Variants in POLB observed in about 807,000 individuals in gnomAD.
POLB encodes the protein 5'-dRP lyase.
In POLB, 37 loss-of-function variants were observed where a neutral mutation model predicts 52.7. The ratio of observed to expected loss-of-function variants is 0.70; its 90% confidence interval spans 0.54 to 0.92. The LOEUF is 0.92. Among genes scored for constraint, POLB ranks in the 40% least tolerant of loss-of-function variants. The pLI, the probability that POLB is intolerant of heterozygous loss-of-function variation, is 0.00. For missense variants in POLB, 313 were observed against 400.8 expected, an observed-to-expected ratio of 0.78 and a Z score of 1.87; for synonymous variants, 138 against 131.3, an observed-to-expected ratio of 1.05 and a Z score of -0.35.
At position 42,349,049 on chromosome 8, in the gene POLB, G is replaced by C; in HGVS notation, c.220G>C (p.Asp74His). The change falls in exon 4 of 14, where the codon GAT (aspartate) becomes CAT (histidine). Residue 74 changes from aspartate (D) to histidine (H), a missense_variant. This residue lies in a region of POLB where 13 missense variants were observed against 39.8 expected (regional missense o/e 0.33). Transcript: ENST00000265421. ...GVGTKIAEKI[D>H]EFLATGKLRK... The stretch of plus-strand genomic sequence containing the variant: ...AGGAACAAAAATTGCTGAAAAGATT[G>C]ATGAGTTTTTAGCAACTGGAAAATT... 1 of 1,606,286 alleles carries C rather than the reference G, an allele frequency of 6.2e-7. No homozygotes were observed. Among genetic ancestry groups the C allele is most frequent in the Non-Finnish European group, 8.5e-7 (1 of 1,174,226 alleles).
rs544859248 is a variant in POLB at position 42,357,614 on chromosome 8, G to A, written c.550+222G>A. ...TGATATTTTAATGACTAGTTTTAACGACGTTTATTAAATGACTTTAAGTAT... is the reference window on the plus strand; with the variant it reads ...TGATATTTTAATGACTAGTTTTAACAACGTTTATTAAATGACTTTAAGTAT... On this transcript the variant is annotated intron_variant, in intron 9 of 13. Transcript: ENST00000265421. 8.3e-5 allele frequency: 36 copies of A among 436,082 alleles called. 1 individual carries two copies. The Admixed American group carries it at 8.9e-4, about 11-fold the overall frequency. 27.0% of individuals were successfully genotyped at this position (436,082 alleles called of 1,614,324 possible). A position where few individuals can be genotyped will look rare whatever the true frequency, so the allele number is the denominator to read the frequency against.
chr8:42,366,519 C>T (rs1824048399), intron 11 of POLB, among the ~76,000 whole-genome samples: 3 of 152,036 alleles, frequency 2.0e-5, no homozygotes, highest in African/African-American at 7.2e-5. Context: ...GGATGTTATA[C>T]CTGTGGTTCA....
chr8:42,341,579 C>G (rs1822203791), intron 2 of POLB, among the ~76,000 whole-genome samples: 1 of 152,188 alleles, frequency 6.6e-6, no homozygotes, highest in South Asian at 2.1e-4. Flanking sequence ...AAATTATAGA[C>G]AGAATACCGT....
At chr8:42,347,221 TCA>T (rs1822675676) in intron 3 of POLB, among the ~76,000 whole-genome samples, 1 of 151,778 alleles carries the variant, frequency 6.6e-6, no homozygotes, top group South Asian at 2.1e-4. Context: ...TATTGAAGAA[TCA>T]CAGAGTTGCT....
chr8:42,349,327 C>G (rs1169015176), intron 4 of POLB: 5 of 353,370 alleles, frequency 1.4e-5, no homozygotes, highest in African/African-American at 2.1e-5. Context: ...GTTTTCAGTA[C>G]TATTCAGAAA....
intron 2 of POLB, chr8:42,341,838 G>T: frequency 1.8e-6 from 1 of 565,706 alleles, no homozygotes; most frequent in South Asian, 1.6e-5. Context: ...TCTTTCTTCT[G>T]AGCAAGGGAC....
chr8:42,350,368 C>T (rs957475722), intron 5 of POLB, among the ~76,000 whole-genome samples: 1 of 152,134 alleles, frequency 6.6e-6, no homozygotes, highest in African/African-American at 2.4e-5. Context: ...ATTTCCTGCT[C>T]CAGCTTGGCC....
chr8:42,354,365 G>T (rs1823168712), intron 6 of POLB: 1 of 701,316 alleles, frequency 1.4e-6, no homozygotes, highest in Admixed American at 2.4e-5. Flanking sequence ...CTATAAGGGG[G>T]CTTGTAGGAA....
chr8:42,347,797 T>G lies in POLB; in HGVS notation c.187-1219T>G, dbSNP rs529015046. ...ATCTGGTAATTGCTGTTTTCCAAAC[T>G]TGAATATGCTTTCAGTAATTTGGGG... On this transcript the variant is annotated intron_variant, in intron 3 of 13. Transcript: ENST00000265421. Among the ~76,000 whole-genome samples, 7 of 152,340 alleles carry G rather than the reference T, an allele frequency of 4.6e-5. No individual in the cohort carries two copies. In the South Asian group the frequency reaches 1.4e-3, roughly 32 times the overall value.
intron 10 of POLB, 120 bp from the exon 11 acceptor site, chr8:42,362,492 T>C: frequency 1.5e-6 from 1 of 649,306 alleles, no homozygotes; most frequent in Non-Finnish European, 2.7e-6. Flanking sequence ...TACCTGTGAA[T>C]AGCACAGTCT....
intron 2 of POLB, among the ~76,000 whole-genome samples, chr8:42,343,974 C>T (rs947637987): frequency 1.3e-4 from 20 of 150,672 alleles, no homozygotes; most frequent in African/African-American, 4.4e-4. Context: ...ACTAAAAATA[C>T]AAAAAAATTA....
intron 2 of POLB, among the ~76,000 whole-genome samples, chr8:42,343,369 T>TACACACAC (rs1554531652): frequency 2.8e-5 from 1 of 36,320 alleles, no homozygotes; most frequent in East Asian, 1.1e-3. Flanking sequence ...TATATATATA[T>TACACACAC]ACACAAAATT....
chr8:42,346,228 G>A (rs1822602242), intron 3 of POLB, among the ~76,000 whole-genome samples: 1 of 151,818 alleles, frequency 6.6e-6, no homozygotes, highest in Non-Finnish European at 1.5e-5. Context: ...AGCCTGAGAT[G>A]CCTTTTGAGT....
chr8:42,355,716 AG>A lies in POLB; in HGVS notation c.422+150del, dbSNP rs549464044. The A allele has an allele frequency of 4.4e-4, 252 of 570,472 alleles. 1 individual carries two copies. The South Asian group carries it at 5.8e-3, about 13-fold the overall frequency. 35.3% of individuals were successfully genotyped at this position (570,472 alleles called of 1,614,324 possible). Reference sequence around the variant, plus strand: ...TGCTAAGATTTGTGGACTCTTACAGAGTATCTGCCTGTGTTCACACAGTGCT... The same window carrying A: ...TGCTAAGATTTGTGGACTCTTACAGATATCTGCCTGTGTTCACACAGTGCT... On this transcript the variant is annotated intron_variant, in intron 7 of 13. Transcript: ENST00000265421.
intron 11 of POLB, among the ~76,000 whole-genome samples, chr8:42,366,536 C>T (rs887374959): frequency 6.6e-6 from 1 of 152,098 alleles, no homozygotes; most frequent in African/African-American, 2.4e-5. Flanking sequence ...TTCATAGTCC[C>T]TGGAACTTAA....
At chr8:42,361,199 A>C in intron 9 of POLB, 96 bp from the exon 10 acceptor site, 1 of 827,304 alleles carries the variant, frequency 1.2e-6, no homozygotes, top group Non-Finnish European at 2.1e-6. Flanking sequence ...TTAGGCTGTA[A>C]GAAGTAAGGC....
intron 9 of POLB, 122 bp downstream of exon 9, chr8:42,357,514 A>AGTTAATACTACTAG: frequency 1.6e-6 from 1 of 611,708 alleles, no homozygotes; most frequent in Non-Finnish European, 2.9e-6. Flanking sequence ...AAGACCTAGT[A>AGTTAATACTACTAG]GTATTAGTTA....
chr8:42,370,270 T>G (rs397738195), intron 13 of POLB: 51,769 of 444,218 alleles, frequency 0.12, 6,132 homozygotes, highest in African/African-American at 0.52. Flanking sequence ...TTTTTTTTTT[T>G]TTTTTTTTTT....
At chr8:42,367,185 A>T (rs1824093593) in intron 11 of POLB, among the ~76,000 whole-genome samples, 1 of 152,236 alleles carries the variant, frequency 6.6e-6, no homozygotes, top group Non-Finnish European at 1.5e-5. Flanking sequence ...GTATCCATGA[A>T]TTTAAGTAAA....
Sources: gnomAD v4.1 joint callset for allele counts (sites outside exome capture counted in the v4.1 genomes callset) on GRCh38, gnomAD v4.1.1 for gene constraint, gnomAD v4.1.1 regional missense constraint, MANE v1.5 for transcripts, NCBI Gene and HGNC (gene_info 2026-07-23, HGNC 2026-07-21) for gene names.